MS4A4A: variants seen among roughly 807,000 people sequenced by gnomAD.
The protein encoded by MS4A4A is membrane-spanning 4-domains subfamily A member 4A.
Under a neutral mutation model 28.0 loss-of-function variants are expected in MS4A4A, and 26 were observed. The ratio of observed to expected loss-of-function variants is 0.93; its 90% confidence interval spans 0.68 to 1.29. MS4A4A has a LOEUF of 1.29. Among genes scored for constraint, MS4A4A ranks in the 50% most tolerant of loss-of-function variants. MS4A4A has a pLI of 0.00. For missense variants in MS4A4A, 290 were observed against 293.1 expected, an observed-to-expected ratio of 0.99 and a Z score of 0.08; for synonymous variants, 86 against 100.8, an observed-to-expected ratio of 0.85 and a Z score of 0.88.
At chr11:60,294,940 T>TCTC (rs2084892858) in intron 2 of MS4A4A, among the ~76,000 whole-genome samples, 1 of 144,188 alleles carries the variant, frequency 6.9e-6, no homozygotes. Context: ...TTCTTCTTCT[T>TCTC]CTTCTTCTTC....
At chr11:60,306,966 A>T (rs2085008635) in intron 6 of MS4A4A, among the ~76,000 whole-genome samples, 1 of 152,204 alleles carries the variant, frequency 6.6e-6, no homozygotes, top group Admixed American at 6.5e-5. Context: ...TGGCAGCTAA[A>T]CCCAAAGAAT....
intron 3 of MS4A4A, among the ~76,000 whole-genome samples, 177 bp from the exon 4 acceptor site, chr11:60,300,824 G>A (rs1202202622): frequency 6.6e-6 from 1 of 151,868 alleles, no homozygotes; most frequent in Non-Finnish European, 1.5e-5. Flanking sequence ...GGATTTATCT[G>A]GTATTATTTC....
At chr11:60,288,913 T>C (rs564648079) in intron 1 of MS4A4A, among the ~76,000 whole-genome samples, 1 of 152,282 alleles carries the variant, frequency 6.6e-6, no homozygotes, top group Admixed American at 6.5e-5. Flanking sequence ...ATCAAAGCTA[T>C]ATGTCCTCAG....
chr11:60,297,347 A>G (rs377443470), intron 3 of MS4A4A, 22 bp downstream of exon 3: 44 of 1,610,754 alleles, frequency 2.7e-5, no homozygotes, highest in Non-Finnish European at 3.6e-5. Context: ...ATCTTTTGAT[A>G]TAATTGAAGA....
chr11:60,294,892 A>ACTACTTCTTCTTCTTCTTCTTCTT (rs60374079), intron 2 of MS4A4A, among the ~76,000 whole-genome samples: 140 of 130,932 alleles, frequency 1.1e-3, no homozygotes, highest in African/African-American at 1.7e-3. Context: ...TACAACTACT[A>ACTACTTCTTCTTCTTCTTCTTCTT]CTTCTTCTTC....
intron 5 of MS4A4A, among the ~76,000 whole-genome samples, chr11:60,305,050 C>T (rs2084985939): frequency 6.6e-6 from 1 of 152,260 alleles, no homozygotes; most frequent in Non-Finnish European, 1.5e-5. Context: ...AGGGACTATC[C>T]CTAACCATGG....
chr11:60,286,922 G>A (rs1565143077), intron 1 of MS4A4A, among the ~76,000 whole-genome samples: 1 of 152,064 alleles, frequency 6.6e-6, no homozygotes, highest in Admixed American at 6.5e-5. Flanking sequence ...ATTATTTTGG[G>A]GGGGTTTGTT....
chr11:60,302,643 T>C lies in MS4A4A; in HGVS notation c.472T>C (p.Tyr158His), dbSNP rs757485708. Residue 158 changes from tyrosine (Y) to histidine (H), a missense_variant, in exon 5 of 7, where the codon TAT becomes CAT. Physicochemically the swap from Tyr to His is moderately conservative, Grantham distance 83. Transcript: ENST00000337908. ...AATCAACACATTTAGCTTGGCGTTT[T>C]ATTCATTCCATCACCCTTACTGTAA... The part of the protein sequence containing the change: ...ILINTFSLAF[Y>H]SFHHPYCNYY... 2 of 1,614,114 alleles carry C rather than the reference T, an allele frequency of 1.2e-6. No homozygotes were observed. The highest frequency in any genetic ancestry group is 1.7e-6 in the Non-Finnish European group (2 of 1,179,952).
At chr11:60,304,128 C>T (rs1313284331) in intron 5 of MS4A4A, among the ~76,000 whole-genome samples, 2 of 152,204 alleles carry the variant, frequency 1.3e-5, no homozygotes, top group Non-Finnish European at 1.5e-5. Context: ...AGATTAGATT[C>T]TACAATTTCT....
At chr11:60,303,575 G>A (rs1022091867) in intron 5 of MS4A4A, among the ~76,000 whole-genome samples, 1 of 152,092 alleles carries the variant, frequency 6.6e-6, no homozygotes, top group Non-Finnish European at 1.5e-5. Flanking sequence ...AGGCATGATG[G>A]CACGTGCCTG....
chr11:60,304,067 A>AG (rs1475554741), intron 5 of MS4A4A, among the ~76,000 whole-genome samples: 1 of 152,256 alleles, frequency 6.6e-6, no homozygotes, highest in Admixed American at 6.5e-5. Context: ...GCTTCTATAG[A>AG]GAATTTGACA....
chr11:60,303,118 G>T (rs1331135358), intron 5 of MS4A4A, among the ~76,000 whole-genome samples: 1 of 152,186 alleles, frequency 6.6e-6, no homozygotes, highest in Non-Finnish European at 1.5e-5. Context: ...TTTACAAGTG[G>T]TGAGTAGCTC....
chr11:60,286,457 T>A (rs1201937446), intron 1 of MS4A4A, among the ~76,000 whole-genome samples: 1 of 152,242 alleles, frequency 6.6e-6, no homozygotes, highest in African/African-American at 2.4e-5. Flanking sequence ...GCATAAGATA[T>A]TATAAAAGTA....
intron 5 of MS4A4A, 63 bp from the exon 6 acceptor site, chr11:60,306,037 T>C: frequency 1.5e-6 from 2 of 1,377,204 alleles, no homozygotes; most frequent in South Asian, 1.2e-5. Context: ...TTGTGGTTAC[T>C]GGGAAATGTT....
intron 3 of MS4A4A, among the ~76,000 whole-genome samples, chr11:60,299,324 C>T (rs1407066085): frequency 6.6e-6 from 1 of 151,722 alleles, no homozygotes; most frequent in African/African-American, 2.4e-5. Flanking sequence ...AATAGTATTA[C>T]ATAATAGTCA....
chr11:60,301,766 T>C (rs1254444897), intron 4 of MS4A4A, among the ~76,000 whole-genome samples: 6 of 152,082 alleles, frequency 3.9e-5, no homozygotes, highest in African/African-American at 1.4e-4. Flanking sequence ...TTTTGTTTGT[T>C]TTTTTTCTGG....
chr11:60,281,105 A>G (rs1000829655), intron 1 of MS4A4A, among the ~76,000 whole-genome samples: 2 of 152,090 alleles, frequency 1.3e-5, no homozygotes, highest in African/African-American at 4.8e-5. Flanking sequence ...CTGACTGGTT[A>G]TTTTTATAAC....
At chr11:60,300,677 T>C (rs2084946372) in intron 3 of MS4A4A, among the ~76,000 whole-genome samples, 1 of 151,812 alleles carries the variant, frequency 6.6e-6, no homozygotes, top group Non-Finnish European at 1.5e-5. Context: ...GTATTTTTTG[T>C]TTAAATATAG....
At chr11:60,292,971 T>C (rs765340247) in intron 2 of MS4A4A, among the ~76,000 whole-genome samples, 14 of 152,244 alleles carry the variant, frequency 9.2e-5, no homozygotes, top group Non-Finnish European at 1.6e-4. Flanking sequence ...TTTCACATTA[T>C]TCATTTTCTG....
Sources: gnomAD v4.1 joint callset for allele counts (sites outside exome capture counted in the v4.1 genomes callset) on GRCh38, gnomAD v4.1.1 for gene constraint, MANE v1.5 for transcripts, NCBI Gene and HGNC (gene_info 2026-07-23, HGNC 2026-07-21) for gene names.